The following TRPS1 variants were observed in gnomAD, a reference collection of about 807,000 sequenced individuals.
The protein encoded by TRPS1 is transcriptional repressor GATA binding 1, also known as zinc finger transcription factor Trps1.
A neutral mutation model predicts 101.2 loss-of-function variants in TRPS1; 6 were observed. The ratio of observed to expected loss-of-function variants is 0.06; its 90% CI spans 0.03 to 0.12. The LOEUF is 0.12. Among genes scored for constraint, TRPS1 ranks in the 10% least tolerant of loss-of-function variants. The probability of loss-of-function intolerance (pLI) is 1.00; values close to 1 mark genes in which losing one functional copy is unlikely to be tolerated. For missense variants in TRPS1, 1,363 were observed against 1,567.0 expected, an observed-to-expected ratio of 0.87 and a Z score of 2.20; for synonymous variants, 578 against 589.8, an observed-to-expected ratio of 0.98 and a Z score of 0.29.
chr8:115,429,200 C>T (rs1813260213), intron 5 of TRPS1, among the ~76,000 whole-genome samples: 1 of 152,162 alleles, frequency 6.6e-6, no homozygotes, highest in Admixed American at 6.5e-5. Context: ...CTCCCTGCCC[C>T]GTCAAATAGC....
chr8:115,600,888 T>C (rs1299991549), intron 4 of TRPS1, among the ~76,000 whole-genome samples: 5 of 152,092 alleles, frequency 3.3e-5, no homozygotes, highest in African/African-American at 1.2e-4. Context: ...AAACCATTCA[T>C]GGGTGGAATA....
intron 1 of TRPS1, among the ~76,000 whole-genome samples, chr8:115,651,446 C>A (rs1473424988): frequency 6.6e-6 from 1 of 152,206 alleles, no homozygotes; most frequent in Non-Finnish European, 1.5e-5. Context: ...ACCTGACAAA[C>A]CAATTTCACA....
chr8:115,577,579 AC>A (rs1290594141), intron 5 of TRPS1, among the ~76,000 whole-genome samples: 1 of 152,120 alleles, frequency 6.6e-6, no homozygotes, highest in East Asian at 1.9e-4. Context: ...GGTAATGGAT[AC>A]CCCAAAAACC....
intron 5 of TRPS1, among the ~76,000 whole-genome samples, chr8:115,472,696 G>T (rs984641283): frequency 6.6e-6 from 1 of 152,166 alleles, no homozygotes; most frequent in East Asian, 1.9e-4. Flanking sequence ...CCATGTCTTT[G>T]TGACTACATA....
intron 2 of TRPS1, among the ~76,000 whole-genome samples, chr8:115,621,510 A>T (rs937267778): frequency 4.6e-5 from 7 of 152,228 alleles, no homozygotes; most frequent in Admixed American, 3.9e-4. Flanking sequence ...GTCATGCAAA[A>T]TTTTTATATG....
At chr8:115,605,078 G>T in intron 3 of TRPS1, 76 bp from the exon 4 acceptor site, 1 of 1,345,966 alleles carries the variant, frequency 7.4e-7, no homozygotes. Context: ...GAGGGGGAGG[G>T]TACTGCCAAG....
chr8:115,480,428 T>C (rs1814722162), intron 5 of TRPS1, among the ~76,000 whole-genome samples: 1 of 152,106 alleles, frequency 6.6e-6, no homozygotes, highest in African/African-American at 2.4e-5. Context: ...ATAATGTCAG[T>C]TGTAATTTAT....
chr8:115,644,464 TCAAA>T (rs973655290), intron 1 of TRPS1, among the ~76,000 whole-genome samples: 382 of 152,338 alleles, frequency 2.5e-3, no homozygotes, highest in African/African-American at 8.7e-3. Context: ...TTTCACCGAA[TCAAA>T]CAGAGGGCCT....
At chr8:115,462,366 G>C (rs1166368906) in intron 5 of TRPS1, among the ~76,000 whole-genome samples, 1 of 152,126 alleles carries the variant, frequency 6.6e-6, no homozygotes, top group East Asian at 1.9e-4. Flanking sequence ...TAATGCAGTA[G>C]TTACTTGGAT....
chr8:115,491,063 T>C (rs994738537), intron 5 of TRPS1, among the ~76,000 whole-genome samples: 1 of 152,204 alleles, frequency 6.6e-6, no homozygotes, highest in Non-Finnish European at 1.5e-5. Context: ...CAGTTTATGG[T>C]AACAATTCTC....
chr8:115,621,364 C>A (rs998532519), intron 2 of TRPS1, among the ~76,000 whole-genome samples: 1 of 152,096 alleles, frequency 6.6e-6, no homozygotes, highest in African/African-American at 2.4e-5. Flanking sequence ...AGTTATACCG[C>A]AATTATCCAA....
chr8:115,496,013 C>A (rs571436764), intron 5 of TRPS1, among the ~76,000 whole-genome samples: 1 of 152,224 alleles, frequency 6.6e-6, no homozygotes, highest in Non-Finnish European at 1.5e-5. Context: ...CCTCGTTCTA[C>A]CACTAGAACC....
In TRPS1 at chr8:115,586,882, G is replaced by T. The variant is rs1817570309; in HGVS notation, c.2700+119C>A. 2.5e-6 allele frequency: 4 copies of T among 1,568,956 alleles called. No homozygotes were observed. In the Admixed American group the frequency reaches 5.0e-5, roughly 20 times the overall value. On this transcript the variant is annotated intron_variant, in intron 5 of 6. Transcript: ENST00000395715. ...TTGGCCTTAGGAGTATAAATCCCCAGATTGAGACAGATCATTAAGTTTCAC... is the reference window on the plus strand; with the variant it reads ...TTGGCCTTAGGAGTATAAATCCCCATATTGAGACAGATCATTAAGTTTCAC...
At chr8:115,455,980 T>G (rs906877102) in intron 5 of TRPS1, among the ~76,000 whole-genome samples, 1 of 151,896 alleles carries the variant, frequency 6.6e-6, no homozygotes, top group Non-Finnish European at 1.5e-5. Flanking sequence ...GAGACAGGGT[T>G]TCACCGTGTT....
At chr8:115,515,841 T>C (rs1245487468) in intron 5 of TRPS1, among the ~76,000 whole-genome samples, 1 of 151,486 alleles carries the variant, frequency 6.6e-6, no homozygotes, top group Non-Finnish European at 1.5e-5. Context: ...TTAGTACTCA[T>C]TATTTTGATT....
chr8:115,492,839 G>A (rs1370391043), intron 5 of TRPS1, among the ~76,000 whole-genome samples: 2 of 151,778 alleles, frequency 1.3e-5, no homozygotes, highest in Non-Finnish European at 2.9e-5. Flanking sequence ...TCAGCCTCCC[G>A]AGTAGCTGAG....
At chr8:115,556,526 T>C (rs1816824558) in intron 5 of TRPS1, among the ~76,000 whole-genome samples, 2 of 152,292 alleles carry the variant, frequency 1.3e-5, no homozygotes, top group Admixed American at 1.3e-4. Context: ...CTTTTGATAT[T>C]CATATGGTAT....
At chr8:115,585,501 C>A (rs572116621) in intron 5 of TRPS1, among the ~76,000 whole-genome samples, 1 of 152,114 alleles carries the variant, frequency 6.6e-6, no homozygotes, top group Non-Finnish European at 1.5e-5. Flanking sequence ...CCCAAATATA[C>A]CATACTCTCA....
chr8:115,438,464 G>A (rs754251310), intron 5 of TRPS1, among the ~76,000 whole-genome samples: 6 of 152,180 alleles, frequency 3.9e-5, no homozygotes, highest in Non-Finnish European at 7.3e-5. Flanking sequence ...AAGAGCAACT[G>A]GTCAATCATG....
Sources: allele counts gnomAD v4.1 joint callset (sites outside exome capture counted in the v4.1 genomes callset), GRCh38; gene constraint gnomAD v4.1.1; transcripts MANE v1.5; gene names NCBI Gene and HGNC (gene_info 2026-07-23, HGNC 2026-07-21).